NRXN3: variants seen among roughly 807,000 people sequenced by gnomAD.
NRXN3 encodes the protein neurexin 3.
A neutral mutation model predicts 137.6 loss-of-function variants in NRXN3; 32 were observed. That is an observed-to-expected ratio of 0.23 (90% CI 0.18 to 0.31). NRXN3 has a LOEUF of 0.31. NRXN3 is among the 10% of genes least tolerant of loss of function. NRXN3 has a pLI of 1.00. For missense variants in NRXN3, 1,574 were observed against 2,062.5 expected, an observed-to-expected ratio of 0.76 and a Z score of 4.59; for synonymous variants, 798 against 784.5, an observed-to-expected ratio of 1.02 and a Z score of -0.29.
intron 2 of NRXN3, among the ~76,000 whole-genome samples, chr14:78,277,534 C>T (rs1475998994): frequency 6.6e-6 from 1 of 152,094 alleles, no homozygotes; most frequent in Non-Finnish European, 1.5e-5. Flanking sequence ...TTTCATCCTC[C>T]ATCTTAACAA....
intron 15 of NRXN3, among the ~76,000 whole-genome samples, chr14:79,051,476 C>T (rs553699552): frequency 7.2e-5 from 11 of 152,260 alleles, no homozygotes; most frequent in Non-Finnish European, 1.5e-4. Flanking sequence ...CCAGGGACTG[C>T]GGCAATGTTG....
At chr14:79,670,391 A>G (rs1298234671) in intron 17 of NRXN3, among the ~76,000 whole-genome samples, 1 of 152,044 alleles carries the variant, frequency 6.6e-6, no homozygotes. Context: ...GGTGTAACCA[A>G]GGGCCCCTGG....
intron 15 of NRXN3, among the ~76,000 whole-genome samples, chr14:79,433,157 G>A (rs932836450): frequency 2.6e-5 from 4 of 152,180 alleles, no homozygotes; most frequent in East Asian, 1.9e-4. Context: ...AGAAAGAAAC[G>A]TGGGTATTCT....
At chr14:79,841,650 G>A (rs995168974) in intron 20 of NRXN3, among the ~76,000 whole-genome samples, 5 of 152,088 alleles carry the variant, frequency 3.3e-5, no homozygotes, top group African/African-American at 9.7e-5. Context: ...AATTTGCTTG[G>A]CCCTTTCCTT....
intron 15 of NRXN3, among the ~76,000 whole-genome samples, chr14:79,184,193 G>A (rs1480060197): frequency 6.6e-6 from 1 of 152,120 alleles, no homozygotes; most frequent in African/African-American, 2.4e-5. Context: ...AACCATTTTG[G>A]CAGGCCAGAT....
chr14:79,169,723 G>C lies in NRXN3; in HGVS notation c.3262+181582G>C, dbSNP rs1362726962. 2.6e-5 allele frequency among the ~76,000 whole-genome samples: 4 copies of C among 152,242 alleles called. No homozygotes were observed. The East Asian group carries it at 7.7e-4, about 29-fold the overall frequency. ...TTCAAATATAATTCACAGGGGTAAA[G>C]ATAGAAAATGTATTTTTTAGGGCTT... On this transcript the variant is annotated intron_variant, in intron 15 of 20. Coordinates refer to ENST00000335750, the MANE Select transcript of NRXN3 (RefSeq NM_001330195.2).
intron 16 of NRXN3, among the ~76,000 whole-genome samples, chr14:79,601,779 G>A (rs989695726): frequency 1.3e-5 from 2 of 152,050 alleles, no homozygotes; most frequent in African/African-American, 2.4e-5. Context: ...TAAAATAAAT[G>A]AGTCAATGTG....
chr14:79,408,888 C>G (rs142332093), intron 15 of NRXN3, among the ~76,000 whole-genome samples: 1 of 152,162 alleles, frequency 6.6e-6, no homozygotes, highest in Non-Finnish European at 1.5e-5. Flanking sequence ...TGGGTGTACT[C>G]AGAACATCAT....
At chr14:79,279,236 C>G (rs919964469) in intron 15 of NRXN3, 2 of 506,852 alleles carry the variant, frequency 3.9e-6, no homozygotes, top group Non-Finnish European at 5.1e-6. Context: ...TGGGAAGGGC[C>G]GGGATTCCGG....
At chr14:78,884,133 G>A (rs1212287852) in intron 10 of NRXN3, among the ~76,000 whole-genome samples, 1 of 151,956 alleles carries the variant, frequency 6.6e-6, no homozygotes, top group East Asian at 1.9e-4. Context: ...TCTCCTAATG[G>A]TTTCTAATTG....
chr14:78,510,628 G>A lies in NRXN3; in HGVS notation c.758-134492G>A, dbSNP rs565655710. Among the ~76,000 whole-genome samples the A allele has an allele frequency of 7.9e-5, 12 of 152,268 alleles. No individual in the cohort carries two copies. The South Asian group carries it at 2.5e-3, about 32-fold the overall frequency. On this transcript the variant is annotated intron_variant, in intron 4 of 20. Coordinates refer to ENST00000335750, the MANE Select transcript of NRXN3 (RefSeq NM_001330195.2). ...CTCAAACATTGCTTGTGGAAGACTT[G>A]CAGATTGAGCCAAGCCCTGTTCTTT...
At chr14:79,780,426 C>T (rs947818249) in intron 19 of NRXN3, among the ~76,000 whole-genome samples, 5 of 149,180 alleles carry the variant, frequency 3.4e-5, no homozygotes, top group African/African-American at 1.2e-4. Flanking sequence ...CAGTGAAACC[C>T]GGTCTCTACT....
intron 15 of NRXN3, among the ~76,000 whole-genome samples, chr14:79,120,800 A>G (rs1460694865): frequency 6.6e-6 from 1 of 152,202 alleles, no homozygotes; most frequent in Non-Finnish European, 1.5e-5. Context: ...GTTGTTCAAC[A>G]TACATAGTGA....
At chr14:78,237,381 G>A (rs1043499112) in intron 1 of NRXN3, among the ~76,000 whole-genome samples, 10 of 152,204 alleles carry the variant, frequency 6.6e-5, no homozygotes, top group African/African-American at 2.4e-4. Context: ...CTAGATCTAG[G>A]TGTTAACACC....
Position 78,884,291 on chromosome 14 carries a change from C to T in NRXN3, c.2276-72951C>T, listed in dbSNP as rs576156036. On this transcript the variant is annotated intron_variant, in intron 10 of 20. Transcript: ENST00000335750. The stretch of plus-strand genomic sequence containing the variant: ...TTGCTTATTTTTTAAAAATAAATAA[C>T]ATTGATTTTTAATCCTGGGATATGG... Among the ~76,000 whole-genome samples, 387 of 152,110 alleles carry T rather than the reference C, an allele frequency of 2.5e-3. 2 individuals carry two copies. Among genetic ancestry groups the T allele is most frequent in the Non-Finnish European group, 4.1e-3 (281 of 67,970 alleles).
At chr14:78,440,974 G>T (rs890665135) in intron 4 of NRXN3, among the ~76,000 whole-genome samples, 1 of 152,162 alleles carries the variant, frequency 6.6e-6, no homozygotes, top group Non-Finnish European at 1.5e-5. Context: ...ATGGGCTGGG[G>T]TTGCTTTGTT....
chr14:79,589,705 A>G (rs2097788403), intron 16 of NRXN3, among the ~76,000 whole-genome samples: 1 of 152,076 alleles, frequency 6.6e-6, no homozygotes, highest in Non-Finnish European at 1.5e-5. Context: ...AAAAAAGCCC[A>G]ATGCAATTCA....
intron 15 of NRXN3, among the ~76,000 whole-genome samples, chr14:79,396,016 G>T (rs757582848): frequency 6.6e-6 from 1 of 151,954 alleles, no homozygotes; most frequent in Non-Finnish European, 1.5e-5. Context: ...ATATATACAT[G>T]CTATGCACAT....
chr14:79,234,337 TATAATA>T, intron 15 of NRXN3, among the ~76,000 whole-genome samples: 1 of 113,680 alleles, frequency 8.8e-6, no homozygotes, highest in South Asian at 2.7e-4. Context: ...TATATATATA[TATAATA>T]TTTATATATA....
Sources: allele counts gnomAD v4.1 joint callset (sites outside exome capture counted in the v4.1 genomes callset), GRCh38; gene constraint gnomAD v4.1.1; transcripts MANE v1.5; gene names NCBI Gene and HGNC (gene_info 2026-07-23, HGNC 2026-07-21).